Variants in DGKB observed in about 807,000 individuals in gnomAD.
DGKB encodes the protein diacylglycerol kinase beta, also known as 90 kDa diacylglycerol kinase.
DGKB carries 67 observed loss-of-function variants against 114.3 expected under a neutral mutation model. The ratio of observed to expected loss-of-function variants is 0.59; its 90% CI spans 0.48 to 0.72. DGKB has a LOEUF of 0.72. Among genes scored for constraint, DGKB ranks in the 30% least tolerant of loss-of-function variants. The pLI is 0.00. For synonymous variants in DGKB, 398 were observed against 323.1 expected, an observed-to-expected ratio of 1.23 and a Z score of -2.49; for missense variants, 907 against 975.2, an observed-to-expected ratio of 0.93 and a Z score of 0.93.
intron 1 of DGKB, among the ~76,000 whole-genome samples, chr7:14,925,831 A>G (rs1784715877): frequency 6.6e-6 from 1 of 151,700 alleles, no homozygotes; most frequent in African/African-American, 2.4e-5. Flanking sequence ...TTCTATGTGG[A>G]CCTTCATGTC....
At chr7:14,775,103 A>G (rs910815178) in intron 2 of DGKB, among the ~76,000 whole-genome samples, 2 of 152,124 alleles carry the variant, frequency 1.3e-5, no homozygotes, top group African/African-American at 4.8e-5. Flanking sequence ...ATTCGTGAGC[A>G]TAAATACATA....
At chr7:14,278,966 A>G (rs60170162) in intron 23 of DGKB, among the ~76,000 whole-genome samples, 18,447 of 152,056 alleles carry the variant, frequency 0.12, 3,207 homozygotes, top group African/African-American at 0.38. Flanking sequence ...TCCATCTGAG[A>G]TACGGGGTTC....
chr7:14,529,464 TA>T, intron 20 of DGKB, among the ~76,000 whole-genome samples: 1 of 151,938 alleles, frequency 6.6e-6, no homozygotes, highest in African/African-American at 2.4e-5. Context: ...AGCCCTGAAA[TA>T]AAGATCATGT....
At chr7:14,434,786 C>T (rs1335130803) in intron 21 of DGKB, among the ~76,000 whole-genome samples, 1 of 152,062 alleles carries the variant, frequency 6.6e-6, no homozygotes, top group East Asian at 1.9e-4. Flanking sequence ...GTCTAGCGAC[C>T]AAAGAGCCTC....
chr7:14,243,362 G>C (rs1048657729), intron 23 of DGKB, among the ~76,000 whole-genome samples: 45 of 152,172 alleles, frequency 3.0e-4, no homozygotes, highest in African/African-American at 9.9e-4. Flanking sequence ...AAAGGCCAAA[G>C]ACAGTGAGTA....
At chr7:14,926,133 C>G (rs1784738367) in intron 1 of DGKB, among the ~76,000 whole-genome samples, 1 of 151,888 alleles carries the variant, frequency 6.6e-6, no homozygotes, top group Non-Finnish European at 1.5e-5. Flanking sequence ...TTTTTTGCAT[C>G]TATTAATATA....
At chr7:14,194,420 C>T (rs1030686550) in intron 23 of DGKB, among the ~76,000 whole-genome samples, 1 of 151,984 alleles carries the variant, frequency 6.6e-6, no homozygotes, top group Admixed American at 6.6e-5. Context: ...TGGAGGACAC[C>T]GTGTTAACCG....
At chr7:14,927,632 G>A (rs1311085409) in intron 1 of DGKB, among the ~76,000 whole-genome samples, 1 of 151,936 alleles carries the variant, frequency 6.6e-6, no homozygotes, top group Non-Finnish European at 1.5e-5. Context: ...TTAAAAAGGT[G>A]TATTGTTTTC....
chr7:14,254,938 C>G (rs948090537), intron 23 of DGKB, among the ~76,000 whole-genome samples: 4 of 152,104 alleles, frequency 2.6e-5, no homozygotes, highest in Non-Finnish European at 5.9e-5. Context: ...GTCCCTAGCA[C>G]TGGGTAGTGT....
At chr7:14,197,468 A>T (rs1785192835) in intron 23 of DGKB, among the ~76,000 whole-genome samples, 2 of 152,138 alleles carry the variant, frequency 1.3e-5, no homozygotes, top group South Asian at 4.1e-4. Flanking sequence ...TCTGTATTTT[A>T]AAAATAGCCT....
chr7:14,611,427 C>T (rs1031000671), intron 16 of DGKB, among the ~76,000 whole-genome samples: 18 of 152,130 alleles, frequency 1.2e-4, no homozygotes, highest in South Asian at 4.1e-4. Flanking sequence ...TGACCTTTTG[C>T]AACTTATCTA....
intron 3 of DGKB, among the ~76,000 whole-genome samples, chr7:14,757,237 G>A (rs752598463): frequency 2.0e-5 from 3 of 151,962 alleles, no homozygotes; most frequent in Non-Finnish European, 2.9e-5. Flanking sequence ...ATTGAAATTC[G>A]TGGGTCATAG....
chr7:14,194,887 G>T (rs1784804924), intron 23 of DGKB, among the ~76,000 whole-genome samples: 2 of 150,840 alleles, frequency 1.3e-5, no homozygotes, highest in Admixed American at 1.4e-4. Context: ...ACAGCATATT[G>T]TCAACAACCT....
chr7:14,418,227 T>C (rs563098625), intron 21 of DGKB, among the ~76,000 whole-genome samples: 1 of 140,768 alleles, frequency 7.1e-6, no homozygotes, highest in African/African-American at 2.5e-5. Context: ...ATTATATATG[T>C]ACATATATTT....
intron 1 of DGKB, among the ~76,000 whole-genome samples, chr7:14,959,855 T>C (rs558290419): frequency 1.3e-5 from 2 of 152,142 alleles, no homozygotes. Flanking sequence ...TATGAAAATG[T>C]CTATATACCT....
At chr7:14,298,902 C>G (rs1803034448) in intron 23 of DGKB, among the ~76,000 whole-genome samples, 1 of 152,098 alleles carries the variant, frequency 6.6e-6, no homozygotes, top group Admixed American at 6.5e-5. Flanking sequence ...AGACAATTCT[C>G]AAAAGAAGAC....
At chr7:14,230,758 A>G (rs1276782091) in intron 23 of DGKB, among the ~76,000 whole-genome samples, 1 of 152,032 alleles carries the variant, frequency 6.6e-6, no homozygotes, top group Admixed American at 6.6e-5. Flanking sequence ...TTCACTTTCT[A>G]TAAAGAACCA....
At chr7:14,189,612 G>A (rs1177613421) in intron 23 of DGKB, among the ~76,000 whole-genome samples, 1 of 151,954 alleles carries the variant, frequency 6.6e-6, no homozygotes, top group African/African-American at 2.4e-5. Context: ...AGACAGAATG[G>A]CTGAATAGGC....
At chr7:14,656,116 G>A (rs1190324879) in intron 13 of DGKB, among the ~76,000 whole-genome samples, 1 of 151,376 alleles carries the variant, frequency 6.6e-6, no homozygotes, top group African/African-American at 2.4e-5. Context: ...ATTTCATACA[G>A]GCATCAAAAT....
Sources: gnomAD v4.1 joint callset for allele counts (sites outside exome capture counted in the v4.1 genomes callset) on GRCh38, gnomAD v4.1.1 for gene constraint, MANE v1.5 for transcripts, NCBI Gene and HGNC (gene_info 2026-07-23, HGNC 2026-07-21) for gene names.